The following PTPRD variants were observed in gnomAD, a reference collection of about 807,000 sequenced individuals.
The protein encoded by PTPRD is receptor-type tyrosine-protein phosphatase delta.
In PTPRD, 34 loss-of-function variants were observed where a neutral mutation model predicts 214.5. The observed-to-expected ratio is 0.16, with a 90% CI of 0.12 to 0.21. The LOEUF (loss-of-function observed/expected upper bound fraction) is 0.21. PTPRD is among the 10% of genes least tolerant of loss of function. The probability of loss-of-function intolerance (pLI) is 1.00; values close to 1 mark genes in which losing one functional copy is unlikely to be tolerated. For missense variants in PTPRD, 2,545 were observed against 2,398.7 expected, an observed-to-expected ratio of 1.06 and a Z score of -1.27; for synonymous variants, 1,128 against 845.7, an observed-to-expected ratio of 1.33 and a Z score of -5.79.
intron 3 of PTPRD, among the ~76,000 whole-genome samples, chr9:10,319,920 C>T (rs1259338657): frequency 6.6e-6 from 1 of 151,998 alleles, no homozygotes; most frequent in Non-Finnish European, 1.5e-5. Flanking sequence ...CTACTCAGTT[C>T]AAACAGTGCC....
intron 4 of PTPRD, among the ~76,000 whole-genome samples, chr9:9,976,428 C>G (rs960006387): frequency 1.3e-5 from 2 of 151,528 alleles, no homozygotes; most frequent in African/African-American, 4.9e-5. Flanking sequence ...GCTCTGTCAC[C>G]CAGGCAGGAT....
chr9:9,004,589 G>A lies in PTPRD; in HGVS notation c.-104+14108C>T, dbSNP rs565058649. 4.6e-5 allele frequency among the ~76,000 whole-genome samples: 7 copies of A among 151,948 alleles called. No individual in the cohort carries two copies. In the South Asian group the frequency reaches 1.5e-3, roughly 32 times the overall value. ...CTTCCTGACATTCTTTAGCCATATGGATCATTCCCATTTTCAAAAGGTGAA... is the reference window on the plus strand; with the variant it reads ...CTTCCTGACATTCTTTAGCCATATGAATCATTCCCATTTTCAAAAGGTGAA... On this transcript the variant is annotated intron_variant, in intron 11 of 45. Transcript: ENST00000381196.
rs533091290 is a variant in PTPRD at position 10,104,202 on chromosome 9, A to G, written c.-544-70412T>C. ...GGAGTGATTGTATAATGGGTACAGA[A>G]TTTCTGTTTTACAAGACAAAAAGAG... is the stretch of plus-strand genomic sequence containing the variant. On this transcript the variant is annotated intron_variant, in intron 3 of 45. Transcript: ENST00000381196. Among the ~76,000 whole-genome samples the G allele has an allele frequency of 2.6e-5, 4 of 151,814 alleles. No homozygotes were observed. The South Asian group carries it at 8.3e-4, about 32-fold the overall frequency.
chr9:9,957,352 TAAC>T (rs909777552), intron 4 of PTPRD, among the ~76,000 whole-genome samples: 39 of 152,148 alleles, frequency 2.6e-4, no homozygotes, highest in African/African-American at 9.4e-4. Flanking sequence ...ATACAAAGCT[TAAC>T]AAGAAAGGAC....
At chr9:10,233,035 C>T (rs1303325983) in intron 3 of PTPRD, among the ~76,000 whole-genome samples, 1 of 152,050 alleles carries the variant, frequency 6.6e-6, no homozygotes, top group Non-Finnish European at 1.5e-5. Flanking sequence ...CCACAAACTA[C>T]AGTAGCATAT....
At chr9:9,484,799 C>G (rs117651077) in intron 8 of PTPRD, among the ~76,000 whole-genome samples, 27 of 152,180 alleles carry the variant, frequency 1.8e-4, no homozygotes, top group African/African-American at 5.8e-4. Flanking sequence ...CAGTCTTGAC[C>G]ACCAAGCAAT....
At chr9:8,914,637 G>A (rs2098771914) in intron 11 of PTPRD, among the ~76,000 whole-genome samples, 1 of 152,050 alleles carries the variant, frequency 6.6e-6, no homozygotes, top group Admixed American at 6.6e-5. Flanking sequence ...TCCATGTTGA[G>A]GGCTGACAAT....
chr9:8,543,291 C>T (rs2078970552), intron 14 of PTPRD, among the ~76,000 whole-genome samples: 1 of 152,110 alleles, frequency 6.6e-6, no homozygotes, highest in Admixed American at 6.5e-5. Flanking sequence ...AACAAAGTGA[C>T]AGCAAATTGA....
At chr9:10,445,589 A>C (rs1429104624) in intron 2 of PTPRD, among the ~76,000 whole-genome samples, 1 of 152,110 alleles carries the variant, frequency 6.6e-6, no homozygotes, top group Non-Finnish European at 1.5e-5. Flanking sequence ...AGAAAAGTTG[A>C]AGTATACTTA....
chr9:10,569,802 T>C (rs921776933), intron 2 of PTPRD, among the ~76,000 whole-genome samples: 1 of 151,988 alleles, frequency 6.6e-6, no homozygotes, highest in African/African-American at 2.4e-5. Flanking sequence ...TTACCTCGAG[T>C]AAATTAAAAT....
At chr9:8,512,829 C>T (rs1252052851) in intron 21 of PTPRD, among the ~76,000 whole-genome samples, 1 of 151,864 alleles carries the variant, frequency 6.6e-6, no homozygotes, top group Non-Finnish European at 1.5e-5. Flanking sequence ...ATTTATAATG[C>T]CTCTAATTAG....
intron 2 of PTPRD, among the ~76,000 whole-genome samples, chr9:10,522,249 G>A (rs2052582256): frequency 6.6e-6 from 1 of 152,090 alleles, no homozygotes; most frequent in African/African-American, 2.4e-5. Context: ...GTAAACTAAT[G>A]CCAGGGCCAA....
intron 9 of PTPRD, among the ~76,000 whole-genome samples, chr9:9,249,249 T>C (rs1438464119): frequency 1.3e-5 from 2 of 151,980 alleles, no homozygotes; most frequent in African/African-American, 4.8e-5. Context: ...ACATGCCTGC[T>C]CCTCCTTCGA....
intron 2 of PTPRD, among the ~76,000 whole-genome samples, chr9:10,402,827 C>A (rs2098292996): frequency 6.6e-6 from 1 of 151,664 alleles, no homozygotes; most frequent in African/African-American, 2.4e-5. Flanking sequence ...CAAGGCCTCT[C>A]TTTCTTTCAA....
chr9:8,608,007 T>C (rs529368069), intron 14 of PTPRD, among the ~76,000 whole-genome samples: 79 of 152,326 alleles, frequency 5.2e-4, no homozygotes, highest in African/African-American at 1.8e-3. Context: ...ACATCTGTGA[T>C]TACAGGATGT....
At chr9:10,298,266 C>T (rs572410936) in intron 3 of PTPRD, among the ~76,000 whole-genome samples, 66 of 152,050 alleles carry the variant, frequency 4.3e-4, no homozygotes, top group Middle Eastern at 3.4e-3. Context: ...CAGGTTGCCT[C>T]GCCTGAAAAG....
chr9:8,613,681 A>G (rs1174702058), intron 14 of PTPRD, among the ~76,000 whole-genome samples: 2 of 152,056 alleles, frequency 1.3e-5, no homozygotes, highest in African/African-American at 4.8e-5. Flanking sequence ...CCTGGGACCA[A>G]TCCAAAAATC....
At chr9:10,190,477 T>G (rs1326429956) in intron 3 of PTPRD, among the ~76,000 whole-genome samples, 1 of 139,332 alleles carries the variant, frequency 7.2e-6, no homozygotes, top group Non-Finnish European at 1.5e-5. Context: ...CAGTACTTTG[T>G]GAGGCCGAGG....
chr9:10,134,098 A>G (rs2098924128), intron 3 of PTPRD, among the ~76,000 whole-genome samples: 1 of 152,130 alleles, frequency 6.6e-6, no homozygotes, highest in Non-Finnish European at 1.5e-5. Context: ...CTGCACACTC[A>G]CAGCAACACT....
Sources: allele counts gnomAD v4.1 joint callset (sites outside exome capture counted in the v4.1 genomes callset), GRCh38; gene constraint gnomAD v4.1.1; transcripts MANE v1.5; gene names NCBI Gene and HGNC (gene_info 2026-07-23, HGNC 2026-07-21).